The following FRS2 variants were observed in gnomAD, a reference collection of about 807,000 sequenced individuals.
The protein encoded by FRS2 is fibroblast growth factor receptor substrate 2.
In FRS2, 8 loss-of-function variants were observed where a neutral mutation model predicts 43.9. The ratio of observed to expected loss-of-function variants is 0.18; its 90% CI spans 0.11 to 0.33. The LOEUF (loss-of-function observed/expected upper bound fraction) is 0.33, where lower values mean the gene tolerates loss of function less well. Among genes scored for constraint, FRS2 ranks in the 10% least tolerant of loss-of-function variants. The pLI, the probability that FRS2 is intolerant of heterozygous loss-of-function variation, is 1.00. For missense variants in FRS2, 534 were observed against 627.6 expected (o/e 0.85, Z 1.59); for synonymous variants, 219 against 220.3 (o/e 0.99, Z 0.05).
At chr12:69,541,354 A>G (rs987844263) in intron 3 of FRS2, among the ~76,000 whole-genome samples, 1 of 152,210 alleles carries the variant, frequency 6.6e-6, no homozygotes, top group African/African-American at 2.4e-5. Context: ...AATATTTCAA[A>G]TTTTTAAACT....
At chr12:69,526,049 G>A (rs1876192337) in intron 1 of FRS2, among the ~76,000 whole-genome samples, 1 of 152,010 alleles carries the variant, frequency 6.6e-6, no homozygotes, top group South Asian at 2.1e-4. Flanking sequence ...AGTAGAGACG[G>A]GTTTCACCAT....
intron 1 of FRS2, among the ~76,000 whole-genome samples, chr12:69,509,345 C>T (rs1188300137): frequency 1.3e-5 from 2 of 152,146 alleles, no homozygotes; most frequent in Non-Finnish European, 2.9e-5. Context: ...ATATGGTTTC[C>T]AGCCCCATCC....
chr12:69,543,911 A>G (rs1878136653), intron 3 of FRS2, among the ~76,000 whole-genome samples: 1 of 152,150 alleles, frequency 6.6e-6, no homozygotes, highest in Non-Finnish European at 1.5e-5. Flanking sequence ...TTAGGATCTC[A>G]TAGAGACCAT....
chr12:69,514,081 T>C (rs1480999486), intron 1 of FRS2, among the ~76,000 whole-genome samples: 2 of 151,664 alleles, frequency 1.3e-5, no homozygotes, highest in Non-Finnish European at 2.9e-5. Context: ...GTGAGGCAGG[T>C]GAGAATAGAT....
chr12:69,536,843 A>T (rs528637956), intron 3 of FRS2, among the ~76,000 whole-genome samples: 59 of 152,234 alleles, frequency 3.9e-4, no homozygotes, highest in African/African-American at 1.2e-3. Flanking sequence ...TGTTGGAATT[A>T]CAGATGTAAG....
chr12:69,525,246 G>A (rs1196447646), intron 1 of FRS2, among the ~76,000 whole-genome samples: 3 of 150,730 alleles, frequency 2.0e-5, no homozygotes, highest in Non-Finnish European at 2.9e-5. Context: ...TAGAATGTGT[G>A]TAGCATGTTT....
chr12:69,514,850 G>T (rs1197619064), intron 1 of FRS2, among the ~76,000 whole-genome samples: 1 of 151,352 alleles, frequency 6.6e-6, no homozygotes, highest in Admixed American at 6.6e-5. Context: ...AAAAAGATGG[G>T]TGGAGTTCTC....
chr12:69,540,654 C>G (rs1412034062), intron 3 of FRS2, among the ~76,000 whole-genome samples: 1 of 152,196 alleles, frequency 6.6e-6, no homozygotes, highest in East Asian at 1.9e-4. Context: ...TGGTGAAACA[C>G]AACTCCCTAA....
intron 1 of FRS2, among the ~76,000 whole-genome samples, chr12:69,470,913 C>T (rs1267726489): frequency 1.3e-5 from 2 of 152,170 alleles, no homozygotes; most frequent in African/African-American, 4.8e-5. Context: ...CAATCTTGGG[C>T]TCCAGTTCCC....
At chr12:69,515,149 A>G (rs1874864964) in intron 1 of FRS2, among the ~76,000 whole-genome samples, 2 of 152,240 alleles carry the variant, frequency 1.3e-5, no homozygotes, top group African/African-American at 4.8e-5. Flanking sequence ...ATTCAGAGCT[A>G]TGACTCCAAA....
At chr12:69,475,617 A>G (rs1870691776) in intron 1 of FRS2, among the ~76,000 whole-genome samples, 3 of 152,208 alleles carry the variant, frequency 2.0e-5, no homozygotes, top group Non-Finnish European at 2.9e-5. Flanking sequence ...CTCTGACTCT[A>G]GAATTAGATA....
chr12:69,553,101 T>C (rs1879043780), intron 3 of FRS2, among the ~76,000 whole-genome samples: 1 of 151,640 alleles, frequency 6.6e-6, no homozygotes, highest in African/African-American at 2.4e-5. Context: ...AGTCTCAGTC[T>C]CACTCTGTTG....
At chr12:69,563,727 G>T (rs1287744528) in intron 4 of FRS2, among the ~76,000 whole-genome samples, 1 of 152,112 alleles carries the variant, frequency 6.6e-6, no homozygotes, top group Non-Finnish European at 1.5e-5. Flanking sequence ...CCATTCTCAA[G>T]TCCCTCATTC....
chr12:69,569,120 A>G (rs758564188), intron 5 of FRS2, 24 bp downstream of exon 5: 6 of 1,409,676 alleles, frequency 4.3e-6, no homozygotes, highest in South Asian at 3.5e-5. Flanking sequence ...GTTGAGTTAT[A>G]TATCTTACTG....
At chr12:69,486,181 CAT>C (rs1491512239) in intron 1 of FRS2, 9 of 80,502 alleles carry the variant, frequency 1.1e-4, no homozygotes, top group Admixed American at 1.0e-3. Context: ...CAGATAACTG[CAT>C]TTTTTTTTTT....
rs79882515 is a variant in FRS2, at chr12:69,525,319, A to G, written c.-260-5546A>G. On this transcript the variant is annotated intron_variant, in intron 1 of 8. Transcript: ENST00000549921. ...TACTGTTTGTGAGTATTCAAGAGGA[A>G]GGAAGGAAAGGAGAGAAAGATGAGA... Among the ~76,000 whole-genome samples, 705 of 152,256 alleles carry G rather than the reference A, an allele frequency of 4.6e-3. 8 individuals are homozygous for G. Among genetic ancestry groups the G allele is most frequent in the African/African-American group, 0.017 (696 of 41,552 alleles).
At chr12:69,549,773 T>C (rs575709778) in intron 3 of FRS2, among the ~76,000 whole-genome samples, 5 of 152,396 alleles carry the variant, frequency 3.3e-5, no homozygotes, top group African/African-American at 1.2e-4. Flanking sequence ...CACTGGTTTC[T>C]ACAGTCTTAC....
At chr12:69,511,100 T>C (rs1345589276) in intron 1 of FRS2, among the ~76,000 whole-genome samples, 1 of 152,242 alleles carries the variant, frequency 6.6e-6, no homozygotes, top group Non-Finnish European at 1.5e-5. Context: ...GCAGTGCCAG[T>C]ACTTGTGCTT....
At position 69,578,042 on chromosome 12, in the gene FRS2, A is replaced by G. The variant is rs1288828545; in HGVS notation, c.*3087A>G. 6.6e-6 allele frequency: 1 copy of G among 152,622 alleles called. No homozygotes were observed. The highest frequency in any genetic ancestry group is 1.5e-5 in the Non-Finnish European group (1 of 68,022). The allele number at this position is 152,622 out of a possible 1,614,324, so 9.5% of individuals were successfully genotyped here. ...TAAAAATGTACCTCAATAATGTTCTATTAAAAATGGGACAGGGGCCTTATG... is the reference window on the plus strand; with the variant it reads ...TAAAAATGTACCTCAATAATGTTCTGTTAAAAATGGGACAGGGGCCTTATG... On this transcript the variant is annotated 3_prime_UTR_variant, in exon 9 of 9. Transcript: ENST00000549921.
Sources: gnomAD v4.1 joint callset for allele counts (sites outside exome capture counted in the v4.1 genomes callset) on GRCh38, gnomAD v4.1.1 for gene constraint, MANE v1.5 for transcripts, NCBI Gene and HGNC (gene_info 2026-07-23, HGNC 2026-07-21) for gene names.